UGT1A8: variants seen among roughly 807,000 people sequenced by gnomAD.
UGT1A8 encodes the protein UDP glucuronosyltransferase family 1 member A8.
UGT1A8 carries 39 observed loss-of-function variants against 45.3 expected under a neutral mutation model. The ratio of observed to expected loss-of-function variants is 0.86; its 90% CI spans 0.67 to 1.12. UGT1A8 has a LOEUF of 1.12. Among genes scored for constraint, UGT1A8 ranks in the 50% most tolerant of loss-of-function variants. The probability of loss-of-function intolerance (pLI) is 0.00; values close to 1 mark genes in which losing one functional copy is unlikely to be tolerated. For missense variants in UGT1A8, 719 were observed against 664.9 expected, an observed-to-expected ratio of 1.08 and a Z score of -0.90; for synonymous variants, 275 against 249.2, an observed-to-expected ratio of 1.10 and a Z score of -0.97.
chr2:233,624,212 A>ATTGAT (rs1256146255), intron 1 of UGT1A8, among the ~76,000 whole-genome samples: 5 of 152,002 alleles, frequency 3.3e-5, no homozygotes, highest in Non-Finnish European at 5.9e-5. Flanking sequence ...ATGGGATCCC[A>ATTGAT]TTGATACCAC....
intron 1 of UGT1A8, among the ~76,000 whole-genome samples, chr2:233,696,717 C>G (rs1315267441): frequency 2.0e-5 from 3 of 152,058 alleles, no homozygotes; most frequent in Non-Finnish European, 4.4e-5. Context: ...TTTAGAGGAA[C>G]AGTTTTCAGT....
intron 1 of UGT1A8, among the ~76,000 whole-genome samples, chr2:233,737,794 C>T (rs140109342): frequency 3.4e-4 from 51 of 152,152 alleles, no homozygotes; most frequent in African/African-American, 1.2e-3. Flanking sequence ...TGGCTCAAAT[C>T]TTCACTATCA....
At chr2:233,743,972 A>G in intron 1 of UGT1A8, 2 of 1,321,206 alleles carry the variant, frequency 1.5e-6, no homozygotes, top group African/African-American at 1.5e-5. Flanking sequence ...CAAGGCTGCC[A>G]GCACCCAGGC....
chr2:233,713,574 C>A (rs1477870335), intron 1 of UGT1A8: 4 of 1,613,856 alleles, frequency 2.5e-6, no homozygotes, highest in Non-Finnish European at 3.4e-6. Context: ...CTCCTATATT[C>A]CTAGATTACT....
At chr2:233,697,794 A>G (rs1220418107) in intron 1 of UGT1A8, among the ~76,000 whole-genome samples, 2 of 152,112 alleles carry the variant, frequency 1.3e-5, no homozygotes, top group Non-Finnish European at 2.9e-5. Flanking sequence ...CGTTTCAAGT[A>G]ATTTTTAAAT....
At chr2:233,719,477 C>T in intron 1 of UGT1A8, 5 of 1,613,988 alleles carry the variant, frequency 3.1e-6, no homozygotes, top group East Asian at 4.5e-5. Flanking sequence ...ACCCTCTGGC[C>T]CTGTCCTACA....
At chr2:233,644,727 G>A (rs1444465149) in intron 1 of UGT1A8, among the ~76,000 whole-genome samples, 9 of 152,172 alleles carry the variant, frequency 5.9e-5, no homozygotes, top group Middle Eastern at 3.4e-3. Context: ...ATGCCACACC[G>A]CCACTGTGGG....
intron 1 of UGT1A8, among the ~76,000 whole-genome samples, chr2:233,660,420 T>C (rs2073940121): frequency 6.6e-6 from 1 of 152,194 alleles, no homozygotes; most frequent in South Asian, 2.1e-4. Flanking sequence ...CTAGAGGCAT[T>C]GTCCAATATC....
chr2:233,689,977 C>A (rs1005809472), intron 1 of UGT1A8: 7 of 454,132 alleles, frequency 1.5e-5, no homozygotes, highest in Admixed American at 1.2e-4. Flanking sequence ...AACCCACAGG[C>A]CCCTAAAAGG....
At chr2:233,751,940 C>A (rs1176362402) in intron 1 of UGT1A8, among the ~76,000 whole-genome samples, 1 of 152,072 alleles carries the variant, frequency 6.6e-6, no homozygotes, top group Non-Finnish European at 1.5e-5. Flanking sequence ...TGAAGTTATA[C>A]TGAAAGGGTT....
chr2:233,721,622 A>G (rs2076958313), intron 1 of UGT1A8: 1 of 189,722 alleles, frequency 5.3e-6, no homozygotes, highest in Non-Finnish European at 1.1e-5. Flanking sequence ...GTTCCTTATC[A>G]GTAAAGATCA....
intron 1 of UGT1A8, chr2:233,761,197 G>T (rs369591851): frequency 8.1e-6 from 13 of 1,614,114 alleles, no homozygotes; most frequent in Non-Finnish European, 1.1e-5. Flanking sequence ...TCTTTCAGAT[G>T]TATTACTTTG....
chr2:233,760,172 C>T (rs1421203838), intron 1 of UGT1A8: 1 of 1,533,858 alleles, frequency 6.5e-7, no homozygotes, highest in Admixed American at 1.9e-5. Flanking sequence ...TGTGGACTGA[C>T]AGCTTTTTAT....
intron 1 of UGT1A8, among the ~76,000 whole-genome samples, chr2:233,659,511 G>C (rs4281903): frequency 0.045 from 6,811 of 152,204 alleles, 474 homozygotes; most frequent in African/African-American, 0.15. Flanking sequence ...CATTAAGTGG[G>C]AGTGGATCAT....
chr2:233,666,391 T>A (rs1284817984), intron 1 of UGT1A8, among the ~76,000 whole-genome samples: 2 of 152,226 alleles, frequency 1.3e-5, no homozygotes, highest in African/African-American at 4.8e-5. Flanking sequence ...TGCAGCTATT[T>A]TAACGGGATG....
At chr2:233,693,057 T>C (rs765274769) in intron 1 of UGT1A8, 1 of 1,614,190 alleles carries the variant, frequency 6.2e-7, no homozygotes, top group Non-Finnish European at 8.5e-7. Flanking sequence ...GTTTTCTTCT[T>C]AGCACTTTGG....
chr2:233,657,628 CACTTG>C (rs772395180), intron 1 of UGT1A8, among the ~76,000 whole-genome samples: 2 of 152,222 alleles, frequency 1.3e-5, no homozygotes, highest in African/African-American at 4.8e-5. Context: ...TAAATTTCAA[CACTTG>C]ACTTGAGGGA....
intron 1 of UGT1A8, chr2:233,693,560 C>G: frequency 6.2e-7 from 1 of 1,614,184 alleles, no homozygotes. Context: ...CAGCAGAAGC[C>G]CAGACCCTGT....
chr2:233,648,627 ATT>A (rs56737893), intron 1 of UGT1A8, among the ~76,000 whole-genome samples: 8 of 150,464 alleles, frequency 5.3e-5, no homozygotes, highest in East Asian at 2.0e-4. Flanking sequence ...CGCCTGGCTA[ATT>A]TTTTTTTTGT....
Sources: gnomAD v4.1 joint callset for allele counts (sites outside exome capture counted in the v4.1 genomes callset) on GRCh38, gnomAD v4.1.1 for gene constraint, MANE v1.5 for transcripts, NCBI Gene and HGNC (gene_info 2026-07-23, HGNC 2026-07-21) for gene names.